ATP8A1: variants seen among roughly 807,000 people sequenced by gnomAD.
ATP8A1 encodes the protein ATPase phospholipid transporting 8A1.
A neutral mutation model predicts 177.7 loss-of-function variants in ATP8A1; 90 were observed. The ratio of observed to expected loss-of-function variants is 0.51; its 90% CI spans 0.43 to 0.60. The LOEUF (loss-of-function observed/expected upper bound fraction) is 0.60, where lower values mean the gene tolerates loss of function less well. Among genes scored for constraint, ATP8A1 ranks in the 20% least tolerant of loss-of-function variants. The pLI, the probability that ATP8A1 is intolerant of heterozygous loss-of-function variation, is 0.00. For synonymous variants in ATP8A1, 493 were observed against 485.9 expected (o/e 1.01, Z -0.19); for missense variants, 1,072 against 1,392.8 (o/e 0.77, Z 3.67).
intron 4 of ATP8A1, among the ~76,000 whole-genome samples, chr4:42,618,911 C>T (rs546952640): frequency 1.3e-5 from 2 of 152,308 alleles, no homozygotes; most frequent in Non-Finnish European, 2.9e-5. Flanking sequence ...GTTCTCCTTG[C>T]AATCCATTTT....
At chr4:42,466,431 T>G (rs17630562) in intron 25 of ATP8A1, among the ~76,000 whole-genome samples, 25,475 of 152,232 alleles carry the variant, frequency 0.17, 2,370 homozygotes, top group South Asian at 0.24. Context: ...GTAGATACTC[T>G]GCACAAATAT....
At chr4:42,473,163 T>C (rs1230643523) in intron 25 of ATP8A1, among the ~76,000 whole-genome samples, 3 of 152,172 alleles carry the variant, frequency 2.0e-5, no homozygotes, top group African/African-American at 4.8e-5. Context: ...TTGATTCAAG[T>C]ATTTACTTAA....
In ATP8A1 at chr4:42,548,344, C is replaced by T. The variant is rs562243414; in HGVS notation, c.1652+669G>A. Among the ~76,000 whole-genome samples the T allele has an allele frequency of 7.9e-5, 12 of 152,274 alleles. No homozygotes were observed. In the South Asian group the frequency reaches 1.2e-3, roughly 16 times the overall value. On this transcript the variant is annotated intron_variant, in intron 19 of 36. Transcript: ENST00000381668. ...TGTTTCCAGATCACCAGCCATAAGA[C>T]GCATGGCCGTATACGCTGGGCTTGT...
intron 9 of ATP8A1, among the ~76,000 whole-genome samples, chr4:42,586,079 A>G (rs1049306844): frequency 2.6e-5 from 4 of 152,190 alleles, no homozygotes; most frequent in African/African-American, 9.7e-5. Flanking sequence ...TTTACCCACG[A>G]AACAATGTGC....
At chr4:42,428,485 G>C (rs1243494239) in intron 33 of ATP8A1, among the ~76,000 whole-genome samples, 4 of 152,150 alleles carry the variant, frequency 2.6e-5, no homozygotes, top group African/African-American at 9.7e-5. Flanking sequence ...GTTCTGTTGT[G>C]CTTTAGCATC....
chr4:42,602,074 A>G (rs1447293860), intron 5 of ATP8A1, among the ~76,000 whole-genome samples: 1 of 152,138 alleles, frequency 6.6e-6, no homozygotes, highest in Non-Finnish European at 1.5e-5. Flanking sequence ...ATTAATGAAT[A>G]CCTCACAGTG....
At chr4:42,534,621 G>A (rs928157810) in intron 20 of ATP8A1, among the ~76,000 whole-genome samples, 1 of 152,142 alleles carries the variant, frequency 6.6e-6, no homozygotes, top group African/African-American at 2.4e-5. Context: ...CCCTGGCCTT[G>A]CTAGAGATCT....
chr4:42,612,080 T>A (rs1736426322), intron 5 of ATP8A1, among the ~76,000 whole-genome samples: 1 of 151,132 alleles, frequency 6.6e-6, no homozygotes, highest in South Asian at 2.1e-4. Flanking sequence ...GGTTAAATGA[T>A]AATATAATGA....
At chr4:42,581,505 G>A in intron 10 of ATP8A1, 116 bp downstream of exon 10, 1 of 744,044 alleles carries the variant, frequency 1.3e-6, no homozygotes. Context: ...ATATAGGGTT[G>A]GATCAGGAGT....
At position 42,455,346 on chromosome 4, in the gene ATP8A1, T is replaced by C. The variant is rs776049107; in HGVS notation, c.2768A>G (p.Tyr923Cys). 23 of 1,613,812 alleles carry C rather than the reference T, an allele frequency of 1.4e-5. No individual in the cohort carries two copies. The highest frequency in any genetic ancestry group is 1.9e-5 in the Non-Finnish European group (22 of 1,179,838). The change falls in exon 29 of 37, where the codon TAC becomes TGC. Residue 923 changes from tyrosine (Y) to cysteine (C), a missense_variant. Physicochemically the swap from Tyr to Cys is radical, Grantham distance 194 (BLOSUM62 -2). This residue lies in a region of ATP8A1 where 316 missense variants were observed against 459.1 expected (regional missense o/e 0.69). Coordinates refer to ENST00000381668, the MANE Select transcript of ATP8A1 (RefSeq NM_006095.2). ...RSCRKENMLK[Y>C]PELYKTSQNA... ...CTGAGATGTTTTGTATAATTCAGGGTACTTCAACATGTTCTCTTTTCTGCA... is the reference window on the plus strand; with the variant it reads ...CTGAGATGTTTTGTATAATTCAGGGCACTTCAACATGTTCTCTTTTCTGCA...
intron 15 of ATP8A1, among the ~76,000 whole-genome samples, chr4:42,559,805 A>T (rs2153214654): frequency 6.6e-6 from 1 of 152,308 alleles, no homozygotes; most frequent in Admixed American, 6.5e-5. Flanking sequence ...TCCTGGGTTC[A>T]AGCGATTCTC....
At chr4:42,642,621 C>T (rs757609320) in intron 1 of ATP8A1, among the ~76,000 whole-genome samples, 25 of 152,160 alleles carry the variant, frequency 1.6e-4, no homozygotes, top group African/African-American at 5.3e-4. Flanking sequence ...GATTGCCGCA[C>T]GCCCTACTCA....
chr4:42,436,795 C>T (rs546503366), intron 33 of ATP8A1, among the ~76,000 whole-genome samples: 187 of 152,316 alleles, frequency 1.2e-3, no homozygotes, highest in Non-Finnish European at 2.2e-3. Flanking sequence ...AATAAATTAC[C>T]ACATGCTACG....
In ATP8A1 at chr4:42,552,543, C is replaced by CG; in HGVS notation, c.1480dup (p.Arg494ProfsTer4). ...TTGATAAATAATCTTGTCACCTTCT[C>CG]GCTCTGGCACTGCTGTGTGACAGAC... On this transcript the variant is annotated frameshift_variant, in exon 17 of 37. Coordinates refer to ENST00000381668, the MANE Select transcript of ATP8A1 (RefSeq NM_006095.2). LOFTEE classifies it high-confidence loss of function. 3 of 1,613,242 alleles carry CG rather than the reference C, an allele frequency of 1.9e-6. No homozygotes were observed. The highest frequency in any genetic ancestry group is 2.5e-6 in the Non-Finnish European group (3 of 1,179,746).
intron 20 of ATP8A1, among the ~76,000 whole-genome samples, chr4:42,531,224 C>T (rs1560427518): frequency 6.6e-6 from 1 of 152,006 alleles, no homozygotes; most frequent in East Asian, 1.9e-4. Context: ...TGGGAAACTA[C>T]AACAGCCCAA....
intron 31 of ATP8A1, among the ~76,000 whole-genome samples, chr4:42,445,945 T>A (rs941768722): frequency 2.0e-5 from 3 of 151,902 alleles, no homozygotes; most frequent in African/African-American, 7.2e-5. Context: ...CTGGGCGTGA[T>A]GGCACACGCC....
chr4:42,570,048 CTG>C (rs759736636), intron 14 of ATP8A1, among the ~76,000 whole-genome samples: 3 of 152,168 alleles, frequency 2.0e-5, no homozygotes, highest in Non-Finnish European at 4.4e-5. Context: ...TGAAAAGTCA[CTG>C]TTATTTTTGA....
chr4:42,627,639 C>T (rs774627046), intron 1 of ATP8A1, among the ~76,000 whole-genome samples: 3 of 152,124 alleles, frequency 2.0e-5, no homozygotes, highest in Admixed American at 6.5e-5. Context: ...TGTTCACAAA[C>T]GAACTTTAAA....
At chr4:42,463,734 C>T (rs538364936) in intron 27 of ATP8A1, among the ~76,000 whole-genome samples, 7 of 152,138 alleles carry the variant, frequency 4.6e-5, no homozygotes, top group East Asian at 1.9e-4. Flanking sequence ...ACACATAAAA[C>T]GGATTATAGA....
Sources: gnomAD v4.1 joint callset for allele counts (sites outside exome capture counted in the v4.1 genomes callset) on GRCh38, gnomAD v4.1.1 for gene constraint, gnomAD v4.1.1 regional missense constraint, MANE v1.5 for transcripts, NCBI Gene and HGNC (gene_info 2026-07-23, HGNC 2026-07-21) for gene names.